MACC1: variants seen among roughly 807,000 people sequenced by gnomAD.
MACC1 encodes MET transcriptional regulator MACC1.
MACC1 carries 79 observed loss-of-function variants against 70.7 expected under a neutral mutation model. The observed-to-expected ratio is 1.12, with a 90% CI of 0.93 to 1.35. The LOEUF (loss-of-function observed/expected upper bound fraction) is 1.35, where lower values mean the gene tolerates loss of function less well. Among genes scored for constraint, MACC1 ranks in the 40% most tolerant of loss-of-function variants. The pLI is 0.00. For synonymous variants in MACC1, 361 were observed against 347.2 expected, an observed-to-expected ratio of 1.04 and a Z score of -0.44; for missense variants, 1,106 against 978.1, an observed-to-expected ratio of 1.13 and a Z score of -1.74.
chr7:20,150,674 A>T (rs922936810), intron 6 of MACC1: 1 of 152,230 alleles, frequency 6.6e-6, no homozygotes, highest in Non-Finnish European at 1.5e-5. Flanking sequence ...CCATTCTGGC[A>T]GGTCAGATAA....
intron 1 of MACC1, among the ~76,000 whole-genome samples, chr7:20,176,408 T>C (rs1251926205): frequency 2.0e-5 from 3 of 152,122 alleles, no homozygotes; most frequent in East Asian, 1.9e-4. Flanking sequence ...TCAACCCGTA[T>C]TGAATTGATC....
chr7:20,189,653 A>G (rs1782642491), intron 1 of MACC1, among the ~76,000 whole-genome samples: 2 of 152,162 alleles, frequency 1.3e-5, no homozygotes, highest in African/African-American at 2.4e-5. Flanking sequence ...TAACATACTT[A>G]AATTCCACCA....
intron 6 of MACC1, chr7:20,153,437 C>T (rs1186103763): frequency 2.0e-5 from 3 of 152,130 alleles, no homozygotes; most frequent in South Asian, 2.1e-4. Context: ...CTTCAAAATG[C>T]TTGTTCATTT....
At chr7:20,215,208 C>G (rs907649998) in intron 1 of MACC1, among the ~76,000 whole-genome samples, 8 of 152,130 alleles carry the variant, frequency 5.3e-5, no homozygotes, top group Admixed American at 4.6e-4. Flanking sequence ...TGGAGTGACT[C>G]TATGAACAGC....
intron 1 of MACC1, among the ~76,000 whole-genome samples, chr7:20,180,965 A>G (rs1198733556): frequency 6.6e-6 from 1 of 152,196 alleles, no homozygotes; most frequent in African/African-American, 2.4e-5. Context: ...AAATCACAGA[A>G]GAATATAACT....
intron 1 of MACC1, among the ~76,000 whole-genome samples, chr7:20,196,916 C>T (rs1782763012): frequency 1.3e-5 from 2 of 152,186 alleles, no homozygotes; most frequent in Admixed American, 6.5e-5. Context: ...CAAGTCACCC[C>T]ACAAAACCCC....
intron 1 of MACC1, among the ~76,000 whole-genome samples, chr7:20,190,870 G>C (rs986500006): frequency 6.6e-6 from 1 of 152,140 alleles, no homozygotes; most frequent in Non-Finnish European, 1.5e-5. Context: ...TTTGCTTTCT[G>C]TTTTGTAAAA....
chr7:20,179,942 C>T (rs1458891181), intron 1 of MACC1, among the ~76,000 whole-genome samples: 1 of 152,196 alleles, frequency 6.6e-6, no homozygotes, highest in Non-Finnish European at 1.5e-5. Flanking sequence ...GAATTGTCAA[C>T]TGTGCTTTGG....
At chr7:20,181,477 T>G (rs558651875) in intron 1 of MACC1, among the ~76,000 whole-genome samples, 9 of 152,110 alleles carry the variant, frequency 5.9e-5, no homozygotes, top group Non-Finnish European at 1.2e-4. Flanking sequence ...AAATGACTGC[T>G]TAAGCATTTG....
intron 1 of MACC1, among the ~76,000 whole-genome samples, chr7:20,211,986 A>G (rs1341015188): frequency 6.6e-6 from 1 of 152,250 alleles, no homozygotes; most frequent in Non-Finnish European, 1.5e-5. Flanking sequence ...AACATTCAAA[A>G]CAATCTTATA....
Position 20,135,470 on chromosome 7 carries a change from T to C in MACC1, c.*5476A>G, listed in dbSNP as rs1488008077. ...AATTAGAGGACTTATAAAAAATCTT[T>C]CCATTTCTATAGAGATGAAGGAAAT... On this transcript the variant is annotated 3_prime_UTR_variant, in exon 7 of 7. Transcript: ENST00000400331. The C allele has an allele frequency of 1.3e-5, 2 of 152,236 alleles. No individual in the cohort carries two copies. Among genetic ancestry groups the C allele is most frequent in the African/African-American group, 4.8e-5 (2 of 41,460 alleles). 9.4% of individuals were successfully genotyped at this position (152,236 alleles called of 1,614,324 possible). A position where few individuals can be genotyped will look rare whatever the true frequency, so the allele number is the denominator to read the frequency against.
chr7:20,205,505 A>AT (rs112484661), intron 1 of MACC1, among the ~76,000 whole-genome samples: 3,820 of 148,682 alleles, frequency 0.026, 164 homozygotes, highest in African/African-American at 0.087. Flanking sequence ...AATTCAATCT[A>AT]TTTTTTTTTT....
intron 1 of MACC1, among the ~76,000 whole-genome samples, chr7:20,187,584 G>T (rs1190518725): frequency 6.6e-6 from 1 of 152,106 alleles, no homozygotes; most frequent in East Asian, 1.9e-4. Context: ...TCTTTGACTA[G>T]CTAATGGAAC....
rs767961344 is a variant in MACC1, at chr7:20,158,837, G to C, written c.1524C>G (p.Thr508=). 1 of 1,614,056 alleles carries C rather than the reference G, an allele frequency of 6.2e-7. No individual in the cohort carries two copies. Among genetic ancestry groups the C allele is most frequent in the East Asian group, 2.2e-5 (1 of 44,874 alleles). ...GATTCGAGAGTCTTTTTAGGTTTGGGGTTGGATCAGGAGTAGTGATAGAGA... is the reference window on the plus strand; with the variant it reads ...GATTCGAGAGTCTTTTTAGGTTTGGCGTTGGATCAGGAGTAGTGATAGAGA... ...AQFSITTPDP[T]PNLKRLSNLP... Residue 508 remains threonine, a synonymous_variant, in exon 5 of 7, where the codon ACC becomes ACG. Transcript: ENST00000400331.
intron 1 of MACC1, among the ~76,000 whole-genome samples, chr7:20,206,511 T>C (rs755463049): frequency 3.9e-5 from 6 of 152,162 alleles, no homozygotes; most frequent in Non-Finnish European, 7.3e-5. Context: ...CTATGGCTGT[T>C]TCTTTCTCTG....
rs540323487 is a variant in MACC1, at chr7:20,141,221, A to T, written c.2347-63T>A. 4.5e-4 allele frequency: 511 copies of T among 1,128,738 alleles called. 1 individual carries two copies. Among genetic ancestry groups the T allele is most frequent in the African/African-American group, 3.1e-3 (199 of 64,164 alleles). 69.9% of individuals were successfully genotyped at this position (1,128,738 alleles called of 1,614,324 possible). Reference sequence around the variant, plus strand: ...TAGAAAGGAGAGGAAAATCGTTTTTAAAAAAAAGATGTAAAAAGCCTCTTA... The same window carrying T: ...TAGAAAGGAGAGGAAAATCGTTTTTTAAAAAAAGATGTAAAAAGCCTCTTA... On this transcript the variant is annotated intron_variant, in intron 6 of 6. Coordinates refer to ENST00000400331, the MANE Select transcript of MACC1 (RefSeq NM_182762.4).
At chr7:20,198,792 A>C (rs1217479594) in intron 1 of MACC1, 1 of 152,220 alleles carries the variant, frequency 6.6e-6, no homozygotes, top group Non-Finnish European at 1.5e-5. Flanking sequence ...ATGTAGAACA[A>C]TTCCTTCAAA....
In MACC1 at chr7:20,159,120, G is replaced by A; in HGVS notation, c.1241C>T (p.Pro414Leu). The A allele has an allele frequency of 1.2e-6, 2 of 1,613,746 alleles. No individual in the cohort carries two copies. The highest frequency in any genetic ancestry group is 1.7e-5 in the Admixed American group (1 of 59,948). The part of the protein sequence containing the change: ...DIKKGGKNIS[P>L]VVFQLWGKQS... Reference sequence around the variant, plus strand: ...CTTCCCCCAGAGCTGAAACACAACTGGAGATATGTTTTTTCCACCCTTCTT... The same window carrying A: ...CTTCCCCCAGAGCTGAAACACAACTAGAGATATGTTTTTTCCACCCTTCTT... Residue 414 changes from proline (P) to leucine (L), a missense_variant, in exon 5 of 7, where the codon CCA (proline) becomes CTA (leucine). By Grantham distance (98) the Pro-to-Leu change is moderately conservative (BLOSUM62 -3). Coordinates refer to ENST00000400331, the MANE Select transcript of MACC1 (RefSeq NM_182762.4).
In MACC1 at chr7:20,158,407, C is replaced by A. The variant is rs61744190; in HGVS notation, c.1954G>T (p.Val652Phe). The A allele has an allele frequency of 5.1e-4, 827 of 1,613,778 alleles. 4 individuals carry two copies. In the African/African-American group the frequency reaches 9.9e-3, roughly 19 times the overall value. The change falls in exon 5 of 7, where the codon GTT becomes TTT. Residue 652 changes from valine (V) to phenylalanine (F), a missense_variant. By Grantham distance (50) the Val-to-Phe change is conservative. Transcript: ENST00000400331. ...PLKKLTYIYS[V>F]VLTLVSEKVY... ...TTTTCTGACACCAAGGTTAATACAA[C>A]TGAGTAGATATAAGTCAATTTTTTT...
Sources: gnomAD v4.1 joint callset for allele counts (sites outside exome capture counted in the v4.1 genomes callset) on GRCh38, gnomAD v4.1.1 for gene constraint, MANE v1.5 for transcripts, NCBI Gene and HGNC (gene_info 2026-07-23, HGNC 2026-07-21) for gene names.